STPG2: variants seen among roughly 807,000 people sequenced by gnomAD.
STPG2 encodes sperm-tail PG-rich repeat-containing protein 2.
STPG2 carries 56 observed loss-of-function variants against 54.2 expected under a neutral mutation model. The observed-to-expected ratio is 1.03, with a 90% CI of 0.83 to 1.29. The LOEUF (loss-of-function observed/expected upper bound fraction) is 1.29, where lower values mean the gene tolerates loss of function less well. Ranked by LOEUF, STPG2 falls within the 50% of genes most tolerant of loss-of-function variation. STPG2 has a pLI of 0.00. For synonymous variants in STPG2, 200 were observed against 181.8 expected, an observed-to-expected ratio of 1.10 and a Z score of -0.81; for missense variants, 596 against 544.9, an observed-to-expected ratio of 1.09 and a Z score of -0.93.
At chr4:97,730,811 C>T (rs1209543157) in intron 9 of STPG2, among the ~76,000 whole-genome samples, 2 of 152,170 alleles carry the variant, frequency 1.3e-5, no homozygotes, top group South Asian at 2.1e-4. Context: ...GTTATTAATA[C>T]TTCCAACTTC....
At chr4:97,940,539 C>T (rs923438924) in intron 8 of STPG2, among the ~76,000 whole-genome samples, 1 of 152,026 alleles carries the variant, frequency 6.6e-6, no homozygotes, top group Non-Finnish European at 1.5e-5. Flanking sequence ...TGTCTTATTT[C>T]AGAGAACCAG....
At chr4:98,075,250 C>T (rs1738126034) in intron 5 of STPG2, among the ~76,000 whole-genome samples, 1 of 152,146 alleles carries the variant, frequency 6.6e-6, no homozygotes, top group Non-Finnish European at 1.5e-5. Context: ...GGATTTGTAA[C>T]TTCCTGCCTG....
chr4:97,912,615 G>C (rs1731723038), intron 8 of STPG2, among the ~76,000 whole-genome samples: 1 of 152,122 alleles, frequency 6.6e-6, no homozygotes, highest in African/African-American at 2.4e-5. Context: ...AACAAGAATA[G>C]AGAGAAAAGA....
intron 7 of STPG2, among the ~76,000 whole-genome samples, chr4:97,946,844 CT>C (rs34452626): frequency 0.32 from 48,912 of 151,990 alleles, 9,384 homozygotes; most frequent in Non-Finnish European, 0.42. Context: ...CAGATTTGTT[CT>C]TTTAGCTTTG....
At chr4:97,605,532 T>C (rs892559574) in intron 10 of STPG2, among the ~76,000 whole-genome samples, 1 of 151,702 alleles carries the variant, frequency 6.6e-6, no homozygotes, top group African/African-American at 2.4e-5. Context: ...TTGAATAAAA[T>C]ATGTTGCCAC....
intron 8 of STPG2, among the ~76,000 whole-genome samples, chr4:97,899,673 C>A (rs1395563751): frequency 6.6e-6 from 1 of 152,038 alleles, no homozygotes; most frequent in Non-Finnish European, 1.5e-5. Flanking sequence ...GGCTGCACAT[C>A]TACAACCATC....
chr4:98,128,632 G>A, intron 2 of STPG2, 40 bp from the exon 3 acceptor site: 2 of 1,454,928 alleles, frequency 1.4e-6, no homozygotes, highest in Non-Finnish European at 1.8e-6. Context: ...TCCAAGGCAA[G>A]AGGAAGGGGA....
intron 4 of STPG2, among the ~76,000 whole-genome samples, chr4:97,518,865 C>G (rs943370921): frequency 1.3e-5 from 2 of 152,038 alleles, no homozygotes; most frequent in Non-Finnish European, 2.9e-5. Flanking sequence ...AGGCTCAACA[C>G]CATCCTTTTT....
At chr4:97,538,622 C>A (rs145624060) in intron 4 of STPG2, among the ~76,000 whole-genome samples, 2,260 of 152,220 alleles carry the variant, frequency 0.015, 55 homozygotes, top group African/African-American at 0.052. Context: ...CACTCTACAG[C>A]ATATTATCCA....
At chr4:97,921,240 C>G (rs1041040606) in intron 8 of STPG2, among the ~76,000 whole-genome samples, 2 of 152,070 alleles carry the variant, frequency 1.3e-5, no homozygotes, top group African/African-American at 4.8e-5. Flanking sequence ...GCCTCAGGCT[C>G]CAGGCCCACT....
At chr4:97,620,279 G>A (rs1253744727) in intron 10 of STPG2, among the ~76,000 whole-genome samples, 1 of 152,124 alleles carries the variant, frequency 6.6e-6, no homozygotes, top group Non-Finnish European at 1.5e-5. Flanking sequence ...AAAAGTTGCA[G>A]GAAAATTCCC....
chr4:97,732,277 G>GT (rs1229611348), intron 9 of STPG2, among the ~76,000 whole-genome samples: 1 of 152,086 alleles, frequency 6.6e-6, no homozygotes, highest in African/African-American at 2.4e-5. Context: ...ATTTCTATGG[G>GT]TTTTTTCCAG....
chr4:97,446,217 G>T (rs1320469375), intron 4 of STPG2, among the ~76,000 whole-genome samples: 1 of 152,092 alleles, frequency 6.6e-6, no homozygotes, highest in African/African-American at 2.4e-5. Context: ...ACCTGATTAA[G>T]GTAACTATTT....
chr4:97,924,240 C>T (rs563238204), intron 8 of STPG2, among the ~76,000 whole-genome samples: 37 of 152,268 alleles, frequency 2.4e-4, no homozygotes, highest in Admixed American at 2.0e-3. Context: ...ACACTCACCG[C>T]GAGGGTCCGC....
intron 3 of STPG2, among the ~76,000 whole-genome samples, chr4:98,117,176 C>A (rs1739544482): frequency 6.6e-6 from 1 of 151,942 alleles, no homozygotes; most frequent in South Asian, 2.1e-4. Context: ...GTCTTAATTT[C>A]TCCTTTATTT....
At chr4:97,602,921 A>G (rs570537551) in intron 10 of STPG2, among the ~76,000 whole-genome samples, 6 of 151,872 alleles carry the variant, frequency 4.0e-5, no homozygotes, top group African/African-American at 1.2e-4. Context: ...TCATCTAGAC[A>G]TAACCAATGT....
chr4:97,441,696 T>C (rs1225956225), intron 4 of STPG2: 3 of 152,042 alleles, frequency 2.0e-5, no homozygotes, highest in African/African-American at 7.2e-5. Context: ...ATTAACTAAA[T>C]CTCATTGATA....
intron 9 of STPG2, among the ~76,000 whole-genome samples, chr4:97,740,445 T>C (rs1489375842): frequency 2.0e-5 from 3 of 152,156 alleles, no homozygotes; most frequent in South Asian, 2.1e-4. Flanking sequence ...GATGACATGA[T>C]TGTATATCTA....
At chr4:97,585,277 T>C (rs1368589464) in intron 10 of STPG2, among the ~76,000 whole-genome samples, 1 of 151,812 alleles carries the variant, frequency 6.6e-6, no homozygotes, top group Non-Finnish European at 1.5e-5. Flanking sequence ...AAATCATAAA[T>C]GCAGGATATC....
Sources: allele counts gnomAD v4.1 joint callset (sites outside exome capture counted in the v4.1 genomes callset), GRCh38; gene constraint gnomAD v4.1.1; transcripts MANE v1.5; gene names NCBI Gene and HGNC (gene_info 2026-07-23, HGNC 2026-07-21).